The following FSTL5 variants were observed in gnomAD, a reference collection of about 807,000 sequenced individuals.
FSTL5 encodes follistatin like 5.
FSTL5 carries 62 observed loss-of-function variants against 89.1 expected under a neutral mutation model. The ratio of observed to expected loss-of-function variants is 0.70; its 90% CI spans 0.57 to 0.86. The LOEUF (loss-of-function observed/expected upper bound fraction) is 0.86. FSTL5 is among the 40% of genes least tolerant of loss of function. FSTL5 has a pLI of 0.00. For synonymous variants in FSTL5, 383 were observed against 346.2 expected (o/e 1.11, Z -1.18); for missense variants, 1,057 against 1,001.6 (o/e 1.06, Z -0.75).
chr4:161,914,118 G>A (rs1299450644), intron 4 of FSTL5, among the ~76,000 whole-genome samples: 1 of 152,118 alleles, frequency 6.6e-6, no homozygotes, highest in Non-Finnish European at 1.5e-5. Flanking sequence ...AATTCCACGT[G>A]CTGTGGGAGA....
intron 15 of FSTL5, among the ~76,000 whole-genome samples, chr4:161,416,694 A>T (rs1009239196): frequency 6.6e-6 from 1 of 150,972 alleles, no homozygotes; most frequent in Non-Finnish European, 1.5e-5. Flanking sequence ...AATAACAAAA[A>T]ATTAGCCGGG....
rs375103661 is a variant in FSTL5, at chr4:161,624,785, G to A, written c.894+31543C>T. Among the ~76,000 whole-genome samples, 83 of 151,886 alleles carry A rather than the reference G, an allele frequency of 5.5e-4. 5 individuals carry two copies. The South Asian group carries it at 0.017, about 31-fold the overall frequency. On this transcript the variant is annotated intron_variant, in intron 7 of 15. Coordinates refer to ENST00000306100, the MANE Select transcript of FSTL5 (RefSeq NM_020116.5). ...GTATTACCTTTTCTAATATATTTTT[G>A]CATTTTAGTGCACATATTTTTATCT...
At chr4:161,393,101 T>C (rs1004147273) in intron 15 of FSTL5, among the ~76,000 whole-genome samples, 16 of 151,874 alleles carry the variant, frequency 1.1e-4, no homozygotes, top group African/African-American at 3.6e-4. Context: ...GAGGCAGAGG[T>C]TGCAGTGAGC....
At chr4:161,938,088 T>C (rs907932206) in intron 3 of FSTL5, among the ~76,000 whole-genome samples, 5 of 152,132 alleles carry the variant, frequency 3.3e-5, no homozygotes, top group Admixed American at 2.0e-4. Flanking sequence ...GTAGATCCCT[T>C]TCACCACCAC....
intron 8 of FSTL5, among the ~76,000 whole-genome samples, chr4:161,548,472 G>C (rs1732081662): frequency 6.6e-6 from 1 of 151,844 alleles, no homozygotes; most frequent in South Asian, 2.1e-4. Flanking sequence ...GTTTAGGGGA[G>C]TATGATAGAC....
chr4:162,013,856 TAA>T (rs562385206), intron 3 of FSTL5, among the ~76,000 whole-genome samples: 7 of 151,966 alleles, frequency 4.6e-5, no homozygotes, highest in African/African-American at 1.7e-4. Context: ...CCATAGGCAT[TAA>T]AAAAATATGC....
chr4:161,531,653 T>G (rs1338895935), intron 10 of FSTL5, among the ~76,000 whole-genome samples: 2 of 152,168 alleles, frequency 1.3e-5, no homozygotes, highest in African/African-American at 4.8e-5. Flanking sequence ...GATTTTGAAA[T>G]TTATTTAAAG....
At chr4:162,065,708 C>T (rs981085391) in intron 2 of FSTL5, among the ~76,000 whole-genome samples, 3 of 151,746 alleles carry the variant, frequency 2.0e-5, no homozygotes, top group East Asian at 1.9e-4. Context: ...CTCTACTTCT[C>T]GGTACATAGC....
chr4:162,056,140 G>A (rs1423260226), intron 2 of FSTL5, among the ~76,000 whole-genome samples: 1 of 151,642 alleles, frequency 6.6e-6, no homozygotes, highest in Non-Finnish European at 1.5e-5. Flanking sequence ...AGCATACATT[G>A]GAAAAAAACA....
intron 3 of FSTL5, among the ~76,000 whole-genome samples, chr4:162,032,192 A>G (rs1048091627): frequency 1.3e-5 from 2 of 152,192 alleles, no homozygotes; most frequent in African/African-American, 2.4e-5. Flanking sequence ...TATAAGTAAA[A>G]TAAGTTATTG....
At chr4:161,963,341 G>T (rs923096435) in intron 3 of FSTL5, among the ~76,000 whole-genome samples, 1 of 151,688 alleles carries the variant, frequency 6.6e-6, no homozygotes, top group East Asian at 1.9e-4. Flanking sequence ...TTAAGAAGTT[G>T]GTTTTGAAGT....
At position 161,679,334 on chromosome 4, in the gene FSTL5, G is replaced by A. The variant is rs188553631; in HGVS notation, c.728-22840C>T. Among the ~76,000 whole-genome samples, 582 of 151,498 alleles carry A rather than the reference G, an allele frequency of 3.8e-3. 7 individuals carry two copies. Among genetic ancestry groups the A allele is most frequent in the Non-Finnish European group, 6.5e-3 (438 of 67,638 alleles). On this transcript the variant is annotated intron_variant, in intron 6 of 15. Transcript: ENST00000306100. ...TAAGCTACATACTGTTTTTTCATGC[G>A]TTGCAGGTTTTGACTTATTTAATAA...
chr4:161,632,076 A>G (rs1191965924), intron 7 of FSTL5, among the ~76,000 whole-genome samples: 3 of 152,088 alleles, frequency 2.0e-5, no homozygotes, highest in African/African-American at 7.2e-5. Flanking sequence ...ACAGAAGTAA[A>G]TTTTTAAGAG....
Position 161,545,679 on chromosome 4 carries a change from G to A in FSTL5, c.1016-2986C>T, listed in dbSNP as rs77783402. On this transcript the variant is annotated intron_variant, in intron 8 of 15. Coordinates refer to ENST00000306100, the MANE Select transcript of FSTL5 (RefSeq NM_020116.5). ...ATTCTGGCATAGTAACTCTTTCTCT[G>A]TACTGGGTTACTAGTTGCATTCCAT... Among the ~76,000 whole-genome samples the A allele has an allele frequency of 6.3e-4, 96 of 151,998 alleles. 1 individual carries two copies. The East Asian group carries it at 0.018, about 28-fold the overall frequency.
chr4:162,137,631 T>TG (rs1732568938), intron 1 of FSTL5, among the ~76,000 whole-genome samples: 2 of 152,136 alleles, frequency 1.3e-5, no homozygotes, highest in Admixed American at 6.5e-5. Context: ...GAATAAGTTG[T>TG]CCTTCTTTGG....
chr4:161,513,275 GA>G (rs1560932036), intron 10 of FSTL5, among the ~76,000 whole-genome samples: 7 of 5,596 alleles, frequency 1.3e-3, no homozygotes, highest in Admixed American at 2.8e-3. Context: ...AGGAGGGGGA[GA>G]GAGAGAGAGA....
chr4:162,109,962 G>A (rs17538402), intron 2 of FSTL5, among the ~76,000 whole-genome samples: 15,067 of 151,806 alleles, frequency 0.099, 980 homozygotes, highest in Non-Finnish European at 0.14. Flanking sequence ...ACTTCAGCTG[G>A]GGATAAAACT....
At chr4:161,910,440 C>A (rs1157877239) in intron 4 of FSTL5, among the ~76,000 whole-genome samples, 1 of 152,142 alleles carries the variant, frequency 6.6e-6, no homozygotes, top group Non-Finnish European at 1.5e-5. Flanking sequence ...ATGACACTTT[C>A]TTTTGCTTGT....
intron 4 of FSTL5, among the ~76,000 whole-genome samples, chr4:161,909,167 T>G (rs953693676): frequency 6.6e-6 from 1 of 152,082 alleles, no homozygotes; most frequent in Non-Finnish European, 1.5e-5. Flanking sequence ...TTCCAGGATG[T>G]AGAGCTGGCT....
Sources: gnomAD v4.1 joint callset for allele counts (sites outside exome capture counted in the v4.1 genomes callset) on GRCh38, gnomAD v4.1.1 for gene constraint, MANE v1.5 for transcripts, NCBI Gene and HGNC (gene_info 2026-07-23, HGNC 2026-07-21) for gene names.